Variants in TNRC6A observed in about 807,000 individuals in gnomAD.
The protein encoded by TNRC6A is trinucleotide repeat containing adaptor 6A, also known as trinucleotide repeat-containing gene 6A protein.
In TNRC6A, 44 loss-of-function variants were observed where a neutral mutation model predicts 221.2. The observed-to-expected ratio is 0.20, with a 90% CI of 0.16 to 0.26. TNRC6A has a LOEUF of 0.26. TNRC6A is among the 10% of genes least tolerant of loss of function. The pLI, the probability that TNRC6A is intolerant of heterozygous loss-of-function variation, is 1.00. For synonymous variants in TNRC6A, 847 were observed against 838.5 expected (o/e 1.01, Z -0.18); for missense variants, 2,199 against 2,404.4 (o/e 0.91, Z 1.79).
intron 2 of TNRC6A, among the ~76,000 whole-genome samples, chr16:24,666,937 G>A (rs769216221): frequency 2.6e-5 from 4 of 151,456 alleles, no homozygotes; most frequent in Admixed American, 2.0e-4. Context: ...CCGATATGAC[G>A]AAACACCATC....
chr16:24,701,705 T>C (rs1456702294), intron 2 of TNRC6A, among the ~76,000 whole-genome samples: 1 of 152,166 alleles, frequency 6.6e-6, no homozygotes. Context: ...CCGAAACCCA[T>C]GGCCCTGCTA....
intron 2 of TNRC6A, chr16:24,662,080 A>G (rs1404866132): frequency 1.3e-5 from 2 of 152,150 alleles, no homozygotes; most frequent in Non-Finnish European, 2.9e-5. Context: ...AGCAACCAAC[A>G]TACAAAAATC....
intron 1 of TNRC6A, among the ~76,000 whole-genome samples, chr16:24,635,346 G>C (rs180935755): frequency 6.6e-6 from 1 of 151,568 alleles, no homozygotes; most frequent in Non-Finnish European, 1.5e-5. Context: ...GCAGTGGCTC[G>C]ATCTTGGCTC....
chr16:24,787,768 C>G (rs1441187922), intron 5 of TNRC6A, among the ~76,000 whole-genome samples: 1 of 152,166 alleles, frequency 6.6e-6, no homozygotes, highest in Non-Finnish European at 1.5e-5. Flanking sequence ...TCCAGATCTT[C>G]TTTTGCTTCT....
In TNRC6A at chr16:24,729,755, C is replaced by G. The variant is rs1198082404; in HGVS notation, c.-87C>G. ...GTAGAAAATGGCGCTGGTGCAGCGG[C>G]TCGGGCCTCTCCCCGCGGCGCTGCG... On this transcript the variant is annotated 5_prime_UTR_variant, in exon 1 of 25. Coordinates refer to ENST00000395799, the MANE Select transcript of TNRC6A (RefSeq NM_014494.4). The G allele has an allele frequency of 7.5e-7, 1 of 1,339,704 alleles. No homozygotes were observed. The highest frequency in any genetic ancestry group is 1.6e-5 in the African/African-American group (1 of 63,710). The allele number at this position is 1,339,704 out of a possible 1,614,324, so 83.0% of individuals were successfully genotyped here.
chr16:24,809,451 A>G lies in TNRC6A; in HGVS notation c.4642A>G (p.Thr1548Ala), dbSNP rs777971714. Residue 1548 changes from threonine (T) to alanine (A), a missense_variant, in exon 18 of 25, where the codon ACA (threonine) becomes GCA (alanine). Around this residue, in one of 8 missense-constraint regions of TNRC6A, gnomAD observed 449 missense variants for 579.7 expected, o/e 0.77. Transcript: ENST00000395799. ...WTTVDSISVN[T>A]SLDQNSSKHG... is the part of the protein sequence containing the mutation. ...GACAGTGGACAGCATTTCTGTGAAC[A>G]CATCTTTGGATCAAAACTCCAGCAA... 3 of 1,588,518 alleles carry G rather than the reference A, an allele frequency of 1.9e-6. No individual in the cohort carries two copies. Among genetic ancestry groups the G allele is most frequent in the South Asian group, 2.3e-5 (2 of 86,054 alleles).
At chr16:24,696,378 G>T (rs917744267) in intron 2 of TNRC6A, among the ~76,000 whole-genome samples, 1 of 148,568 alleles carries the variant, frequency 6.7e-6, no homozygotes, top group African/African-American at 2.5e-5. Flanking sequence ...GAAAGTATGA[G>T]AACTCCCTGG....
In TNRC6A at chr16:24,793,589, G is replaced by T; in HGVS notation, c.3292G>T (p.Ala1098Ser). The T allele has an allele frequency of 6.4e-7, 1 of 1,563,498 alleles. No homozygotes were observed. The highest frequency in any genetic ancestry group is 8.7e-7 in the Non-Finnish European group (1 of 1,153,746). ...CAGCTGGGGGGAACCCATTGCTGCG[G>T]CATCCAGCACATCCACGTGGGGCTC... ...GPSWGEPIAA[A>S]SSTSTWGSSS... Residue 1098 changes from alanine (A) to serine (S), a missense_variant, in exon 7 of 25, where the codon GCA becomes TCA. Ala to Ser is a moderately conservative substitution (Grantham distance 99, BLOSUM62 1). This residue lies in a region of TNRC6A where 1,405 missense variants were observed against 1,400.2 expected (regional missense o/e 1.00). Transcript: ENST00000395799.
rs1350233064 is a variant in TNRC6A, at chr16:24,789,339, T to C, written c.697T>C (p.Leu233=). Reference sequence around the variant, plus strand: ...CTGTAAGAATGCTGTTGTAAGTGACTTGTCGGAAAAAGAAGCATGGCCCTC... The same window carrying C: ...CTGTAAGAATGCTGTTGTAAGTGACCTGTCGGAAAAAGAAGCATGGCCCTC... ...TNCKNAVVSD[L]SEKEAWPSAP... is the part of the protein sequence containing the mutation. The change falls in exon 6 of 25, where the codon TTG becomes CTG. Residue 233 remains leucine, a synonymous_variant. Transcript: ENST00000395799. 6.2e-7 allele frequency: 1 copy of C among 1,614,094 alleles called. No homozygotes were observed. The highest frequency in any genetic ancestry group is 8.5e-7 in the Non-Finnish European group (1 of 1,180,048).
intron 4 of TNRC6A, among the ~76,000 whole-genome samples, chr16:24,765,399 C>G (rs2057451742): frequency 6.6e-6 from 1 of 152,128 alleles, no homozygotes; most frequent in Non-Finnish European, 1.5e-5. Flanking sequence ...TCTAGTCACC[C>G]CATCTCCCCA....
At chr16:24,640,619 C>T (rs1021350094) in intron 1 of TNRC6A, among the ~76,000 whole-genome samples, 1 of 150,740 alleles carries the variant, frequency 6.6e-6, no homozygotes, top group African/African-American at 2.4e-5. Context: ...GTCCCAGCTA[C>T]TTGGGAGGCT....
At chr16:24,775,028 A>G (rs1201549002) in intron 4 of TNRC6A, among the ~76,000 whole-genome samples, 14 of 152,198 alleles carry the variant, frequency 9.2e-5, no homozygotes, top group Admixed American at 9.2e-4. Context: ...GGTGGGGCAC[A>G]CATGGATGTG....
At chr16:24,731,668 TTTTTG>T (rs1223219257) in intron 2 of TNRC6A, among the ~76,000 whole-genome samples, 2 of 152,218 alleles carry the variant, frequency 1.3e-5, no homozygotes, top group South Asian at 2.1e-4. Flanking sequence ...TCTCCTTCCA[TTTTTG>T]TTTTATCAGG....
chr16:24,803,393 T>G (rs2058366358), intron 11 of TNRC6A: 1 of 151,766 alleles, frequency 6.6e-6, no homozygotes, highest in Non-Finnish European at 1.5e-5. Context: ...CACTCTAGCC[T>G]GGGCTACAGA....
rs1173740082 is a variant in TNRC6A, at chr16:24,790,299, C to T, written c.1657C>T (p.Pro553Ser). ...CACTGTGAATGCAACTCTAATGCAG[C>T]CTGGCGTAAATGGTCCTATGGGCAC... ...GDTVNATLMQPGVNGPMGTNF... is the reference protein window; with the variant it reads ...GDTVNATLMQSGVNGPMGTNF... Residue 553 changes from proline (P) to serine (S), a missense_variant, in exon 6 of 25, where the codon CCT (proline) becomes TCT (serine). Physicochemically the swap from Pro to Ser is moderately conservative, Grantham distance 74. Around this residue, in one of 8 missense-constraint regions of TNRC6A, gnomAD observed 1,405 missense variants for 1,400.2 expected, o/e 1.00. Transcript: ENST00000395799. 5.0e-6 allele frequency: 8 copies of T among 1,614,166 alleles called. No homozygotes were observed. The highest frequency in any genetic ancestry group is 5.9e-6 in the Non-Finnish European group (7 of 1,180,038).
intron 2 of TNRC6A, among the ~76,000 whole-genome samples, chr16:24,675,702 C>CTCTCTCTCTCTATATA (rs1180245687): frequency 3.0e-5 from 1 of 33,264 alleles, no homozygotes; most frequent in Non-Finnish European, 5.2e-5. Context: ...CTCTCTCTCT[C>CTCTCTCTCTCTATATA]TATATATATA....
chr16:24,683,437 A>C (rs1053444398), intron 2 of TNRC6A, among the ~76,000 whole-genome samples: 5 of 152,066 alleles, frequency 3.3e-5, no homozygotes, highest in Non-Finnish European at 5.9e-5. Context: ...TGCTCAAGCG[A>C]TCCTCCCACT....
Position 24,824,949 on chromosome 16 carries a change from T to TA in TNRC6A, c.*1143dup. 1 of 152,744 alleles carries TA rather than the reference T, an allele frequency of 6.5e-6. No homozygotes were observed. The highest frequency in any genetic ancestry group is 1.9e-4 in the East Asian group (1 of 5,182). The allele number at this position is 152,744 out of a possible 1,614,324, so 9.5% of individuals were successfully genotyped here. On this transcript the variant is annotated 3_prime_UTR_variant, in exon 25 of 25. Transcript: ENST00000395799. ...CTGCTTTCAGATGCTGTCTTTTTAT[T>TA]AGTGAGTGATGATGGTTTGCTAATA...
At chr16:24,695,373 A>G (rs2055836976) in intron 2 of TNRC6A, among the ~76,000 whole-genome samples, 1 of 152,004 alleles carries the variant, frequency 6.6e-6, no homozygotes, top group Non-Finnish European at 1.5e-5. Context: ...AGAAGCTCTT[A>G]TGTTTTTACT....
Sources: gnomAD v4.1 joint callset for allele counts (sites outside exome capture counted in the v4.1 genomes callset) on GRCh38, gnomAD v4.1.1 for gene constraint, gnomAD v4.1.1 regional missense constraint, MANE v1.5 for transcripts, NCBI Gene and HGNC (gene_info 2026-07-23, HGNC 2026-07-21) for gene names.